The following FBXO31 variants were observed in gnomAD, a reference collection of about 807,000 sequenced individuals.
FBXO31 encodes the protein F-box only protein 31.
FBXO31 carries 24 observed loss-of-function variants against 54.4 expected under a neutral mutation model. The ratio of observed to expected loss-of-function variants is 0.44; its 90% CI spans 0.32 to 0.62. The LOEUF is 0.62. Among genes scored for constraint, FBXO31 ranks in the 20% least tolerant of loss-of-function variants. The pLI, the probability that FBXO31 is intolerant of heterozygous loss-of-function variation, is 0.05. For synonymous variants in FBXO31, 388 were observed against 335.6 expected (o/e 1.16, Z -1.71); for missense variants, 665 against 787.1 (o/e 0.84, Z 1.86).
rs1384589437 is a variant in FBXO31 at position 87,331,487 on chromosome 16, G to A, written c.1421C>T (p.Ala474Val). 5 of 1,610,508 alleles carry A rather than the reference G, an allele frequency of 3.1e-6. No individual in the cohort carries two copies. The highest frequency in any genetic ancestry group is 1.3e-5 in the African/African-American group (1 of 75,026). The change falls in exon 9 of 9, where the codon GCG becomes GTG. Residue 474 changes from alanine (A) to valine (V), a missense_variant. Physicochemically the swap from Ala to Val is moderately conservative, Grantham distance 64. Transcript: ENST00000311635. ...RMCFYGTGLI[A>V]GHGFTSPERT... Reference sequence around the variant, plus strand: ...TTCAGGGCTGGTGAAGCCGTGGCCCGCGATGAGGCCTGTGCCATAAAAACT... The same window carrying A: ...TTCAGGGCTGGTGAAGCCGTGGCCCACGATGAGGCCTGTGCCATAAAAACT...
At chr16:87,343,910 T>G in intron 3 of FBXO31, 145 bp from the exon 4 acceptor site, 1 of 779,854 alleles carries the variant, frequency 1.3e-6, no homozygotes, top group South Asian at 1.8e-5. Context: ...TCGAGGTGCC[T>G]CGAATCCCAG....
chr16:87,387,917 C>T (rs1907382054), upstream of FBXO31, among the ~76,000 whole-genome samples: 1 of 152,184 alleles, frequency 6.6e-6, no homozygotes, highest in African/African-American at 2.4e-5. Flanking sequence ...ACTAGTCACA[C>T]TAACTGGAAA....
chr16:87,384,010 A>G (rs957618716), upstream of FBXO31: 7 of 212,952 alleles, frequency 3.3e-5, no homozygotes, highest in African/African-American at 7.1e-5. Flanking sequence ...TGCCGAGTGC[A>G]AAACGTTAGA....
At chr16:87,387,813 A>C (rs1274221800), upstream of FBXO31, among the ~76,000 whole-genome samples, 1 of 152,188 alleles carries the variant, frequency 6.6e-6, no homozygotes, top group Non-Finnish European at 1.5e-5. Flanking sequence ...ACAGAGAGAA[A>C]AAAAAGAAAG....
At chr16:87,370,470 A>G (rs1348352136) in intron 1 of FBXO31, among the ~76,000 whole-genome samples, 1 of 152,212 alleles carries the variant, frequency 6.6e-6, no homozygotes, top group African/African-American at 2.4e-5. Context: ...AGCTTTGCCC[A>G]GCCCTGGGGC....
In FBXO31 at chr16:87,336,187, G is replaced by A; in HGVS notation, c.810C>T (p.Ile270=). ...GACTGGTGTAGATGAACTTCATCAG[G>A]ATGAGCTCCTGCATGTGCTCGTGGA... ...DIFHEHMQEL[I]LMKFIYTSQY... Residue 270 remains isoleucine (I), a synonymous_variant, in exon 6 of 9, where the codon ATC becomes ATT. Transcript: ENST00000311635. The surrounding 1 kb of genome is among the most constrained non-coding windows in gnomAD (Gnocchi z 6.5). 6.2e-7 allele frequency: 1 copy of A among 1,613,882 alleles called. No homozygotes were observed. The highest frequency in any genetic ancestry group is 1.3e-5 in the African/African-American group (1 of 74,924).
At chr16:87,373,444 G>A (rs1168850777) in intron 1 of FBXO31, among the ~76,000 whole-genome samples, 1 of 151,722 alleles carries the variant, frequency 6.6e-6, no homozygotes. Context: ...AGAGCGAGAC[G>A]CTGTCTCAAA....
chr16:87,353,491 G>A (rs927742150), intron 2 of FBXO31, among the ~76,000 whole-genome samples: 5 of 152,254 alleles, frequency 3.3e-5, no homozygotes, highest in African/African-American at 7.2e-5. Flanking sequence ...GAAAGTGCCC[G>A]ATCCACTGAC....
At chr16:87,383,811 C>G (rs1005000003), upstream of FBXO31, 2 of 1,080,946 alleles carry the variant, frequency 1.9e-6, no homozygotes, top group Non-Finnish European at 2.3e-6. The surrounding 1 kb of genome is among the most constrained non-coding windows in gnomAD (Gnocchi z 4.9). Context: ...CCCGCCAGCG[C>G]CGAGCCACGC....
chr16:87,368,512 C>A (rs576736976), intron 1 of FBXO31, among the ~76,000 whole-genome samples: 2 of 152,216 alleles, frequency 1.3e-5, no homozygotes, highest in Non-Finnish European at 2.9e-5. Flanking sequence ...CAACCCAACT[C>A]CAGACGGCCA....
At chr16:87,384,180 C>T (rs1345414569), upstream of FBXO31, 2 of 152,916 alleles carry the variant, frequency 1.3e-5, no homozygotes, top group South Asian at 2.1e-4. Context: ...GCGCCCGAAA[C>T]TGTGCCGCGC....
At chr16:87,339,859 G>A (rs542661375) in intron 5 of FBXO31, among the ~76,000 whole-genome samples, 4 of 152,396 alleles carry the variant, frequency 2.6e-5, no homozygotes, top group Non-Finnish European at 5.9e-5. Flanking sequence ...TGATAGGCCA[G>A]TGCAATGGCT....
rs1000812660 is a variant in FBXO31, at chr16:87,345,088, C to A, written c.490-1323G>T. ...CTGCCCAGGGGCCATGCATGCCAGG[C>A]CTGGAAGAACCTGTGCAGAGGCCAC... On this transcript the variant is annotated intron_variant, in intron 3 of 8. Transcript: ENST00000311635. This position sits in a 1 kb window ranked among gnomAD's most constrained non-coding sequence, Gnocchi z 4.9. 1.3e-5 allele frequency among the ~76,000 whole-genome samples: 2 copies of A among 152,224 alleles called. No homozygotes were observed. Among genetic ancestry groups the A allele is most frequent in the Admixed American group, 6.5e-5 (1 of 15,290 alleles).
At chr16:87,373,470 T>A (rs547588148) in intron 1 of FBXO31, among the ~76,000 whole-genome samples, 2 of 151,762 alleles carry the variant, frequency 1.3e-5, no homozygotes, top group African/African-American at 4.8e-5. Context: ...TAATTATATA[T>A]ATACATATAT....
rs1188741170 is a variant in FBXO31 at position 87,335,198 on chromosome 16, G to A, written c.996+106C>T. The A allele has an allele frequency of 6.6e-7, 1 of 1,525,636 alleles. No homozygotes were observed. Among genetic ancestry groups the A allele is most frequent in the African/African-American group, 1.4e-5 (1 of 73,450 alleles). The allele number at this position is 1,525,636 out of a possible 1,614,324, so 94.5% of individuals were successfully genotyped here. ...GGCTGCAGGTGCAAGCCCACTCTGA[G>A]GAGCAAGGGTGCCGGGGATCAGTGT... On this transcript the variant is annotated intron_variant, in intron 7 of 8. Transcript: ENST00000311635. The surrounding 1 kb of genome is among the most constrained non-coding windows in gnomAD (Gnocchi z 5.7).
intron 1 of FBXO31, among the ~76,000 whole-genome samples, chr16:87,364,457 G>A (rs919193068): frequency 7.9e-5 from 12 of 152,202 alleles, no homozygotes; most frequent in African/African-American, 2.2e-4. Context: ...GGGCCAGTTC[G>A]CGCCGACTCT....
At chr16:87,391,212 C>G (rs1907532066), upstream of FBXO31, among the ~76,000 whole-genome samples, 1 of 152,080 alleles carries the variant, frequency 6.6e-6, no homozygotes, top group Non-Finnish European at 1.5e-5. Flanking sequence ...GAGGCTGAGG[C>G]AGGAGGATCC....
At chr16:87,356,310 GCTCA>G (rs894499184) in intron 2 of FBXO31, among the ~76,000 whole-genome samples, 1 of 151,792 alleles carries the variant, frequency 6.6e-6, no homozygotes, top group African/African-American at 2.4e-5. Flanking sequence ...TGTTGTCAAC[GCTCA>G]CTAAGTCGAC....
rs577581684 is a variant in FBXO31, at chr16:87,344,043, A to G, written c.490-278T>C. ...GGGGGTGCATCTCCCAACAGGAAAG[A>G]GTGAACAACAGCAGTGCAAGGGCCT... On this transcript the variant is annotated intron_variant, in intron 3 of 8. Coordinates refer to ENST00000311635, the MANE Select transcript of FBXO31 (RefSeq NM_024735.5). 9.2e-5 allele frequency among the ~76,000 whole-genome samples: 14 copies of G among 152,374 alleles called. No homozygotes were observed. In the South Asian group the frequency reaches 2.9e-3, roughly 32 times the overall value.
Sources: gnomAD v4.1 joint callset for allele counts (sites outside exome capture counted in the v4.1 genomes callset) on GRCh38, gnomAD v4.1.1 for gene constraint, Gnocchi (gnomAD v3.1) non-coding constraint, MANE v1.5 for transcripts, NCBI Gene and HGNC (gene_info 2026-07-23, HGNC 2026-07-21) for gene names.